The following PAK4 variants were observed in gnomAD, a reference collection of about 807,000 sequenced individuals.
PAK4 encodes p21 (RAC1) activated kinase 4.
Under a neutral mutation model 53.5 loss-of-function variants are expected in PAK4, and 49 were observed. The observed-to-expected ratio is 0.92, with a 90% CI of 0.73 to 1.16. The LOEUF is 1.16. Ranked by LOEUF, PAK4 falls within the 50% of genes most tolerant of loss-of-function variation. PAK4 has a pLI of 0.00. For missense variants in PAK4, 824 were observed against 850.7 expected, an observed-to-expected ratio of 0.97 and a Z score of 0.39; for synonymous variants, 376 against 375.6, an observed-to-expected ratio of 1.00 and a Z score of -0.01.
chr19:39,152,475 A>G (rs2074108573), intron 1 of PAK4: 1 of 152,226 alleles, frequency 6.6e-6, no homozygotes. Flanking sequence ...GAGAAGCTGT[A>G]AAGTGCTTCC....
intron 1 of PAK4, chr19:39,136,424 C>T (rs1012972393): frequency 9.9e-5 from 15 of 152,250 alleles, no homozygotes; most frequent in Non-Finnish European, 2.1e-4. Context: ...GGTCCTACCC[C>T]GGGGCCTTTG....
chr19:39,174,823 C>T, intron 4 of PAK4, 108 bp from the exon 6 acceptor site: 1 of 1,346,632 alleles, frequency 7.4e-7, no homozygotes, highest in South Asian at 1.3e-5. Context: ...CCCCAGTGAG[C>T]ACAAGCTTAA....
At chr19:39,177,698 A>G in exon 8 of PAK4, 1 of 1,613,502 alleles carries the variant, frequency 6.2e-7, no homozygotes, top group Non-Finnish European at 8.5e-7. Context: ...CGCTGGGGAT[A>G]ATGGTGATTG....
intron 1 of PAK4, among the ~76,000 whole-genome samples, chr19:39,130,356 A>G (rs1462709387): frequency 7.1e-6 from 1 of 140,636 alleles, no homozygotes; most frequent in African/African-American, 2.7e-5. Context: ...ACAGAGAGGG[A>G]TTGGGACTGG....
At chr19:39,174,843 G>T in intron 4 of PAK4, 88 bp from the exon 6 acceptor site, 1 of 1,504,650 alleles carries the variant, frequency 6.6e-7, no homozygotes, top group South Asian at 1.2e-5. Context: ...ATGTGGAACT[G>T]CAGGGGGAGC....
intron 1 of PAK4, among the ~76,000 whole-genome samples, chr19:39,128,615 A>G (rs2073636511): frequency 6.6e-6 from 1 of 152,218 alleles, no homozygotes; most frequent in Admixed American, 6.5e-5. Context: ...GCTAGGGGAA[A>G]AAGGGCTTTC....
At chr19:39,177,959 G>T in intron 8 of PAK4, 150 bp downstream of exon 9, 1 of 879,706 alleles carries the variant, frequency 1.1e-6, no homozygotes, top group Non-Finnish European at 1.7e-6. Context: ...GGCCTCATGT[G>T]TCTGTGCAGA....
Position 39,173,717 on chromosome 19 carries a change from C to A in PAK4, c.805C>A (p.Pro269Thr). Reference sequence around the variant, plus strand: ...AGTGCTGGGACCCCACGCCTCAGAGCCCCAGCTGGCCCCTCCAGCCTGCAC... The same window carrying A: ...AGTGCTGGGACCCCACGCCTCAGAGACCCAGCTGGCCCCTCCAGCCTGCAC... The change falls in exon 4 of 9, where the codon CCC becomes ACC. Residue 269 changes from proline to threonine, a missense_variant. Coordinates refer to ENST00000358301, the Ensembl canonical transcript of PAK4. This position sits in a 1 kb window ranked among gnomAD's most constrained non-coding sequence, Gnocchi z 6.9. 1 of 1,576,548 alleles carries A rather than the reference C, an allele frequency of 6.3e-7. No individual in the cohort carries two copies. The highest frequency in any genetic ancestry group is 8.6e-7 in the Non-Finnish European group (1 of 1,163,898).
intron 1 of PAK4, among the ~76,000 whole-genome samples, chr19:39,142,361 G>T (rs2073924558): frequency 6.6e-6 from 1 of 152,194 alleles, no homozygotes; most frequent in Admixed American, 6.5e-5. Context: ...TTCTTAGGTG[G>T]TTGCTTGGAT....
At chr19:39,174,041 GGT>G (rs758354054) in intron 4 of PAK4, 31 bp downstream of exon 5, 1 of 1,441,706 alleles carries the variant, frequency 6.9e-7, no homozygotes, top group South Asian at 1.3e-5. Flanking sequence ...CCGCCCTGCT[GGT>G]CCTCCCACCC....
chr19:39,157,104 G>C (rs2074197626), intron 1 of PAK4, among the ~76,000 whole-genome samples: 1 of 152,098 alleles, frequency 6.6e-6, no homozygotes, highest in African/African-American at 2.4e-5. Flanking sequence ...CTTGCACGAG[G>C]GCAGAAGTTT....
intron 1 of PAK4, among the ~76,000 whole-genome samples, chr19:39,158,076 AT>A (rs566243192): frequency 4.7e-4 from 71 of 151,528 alleles, no homozygotes; most frequent in African/African-American, 1.7e-3. Context: ...GTGAGCATGC[AT>A]GTGTGTGTGT....
chr19:39,126,509 A>G (rs1391780877), intron 1 of PAK4, among the ~76,000 whole-genome samples: 2 of 150,394 alleles, frequency 1.3e-5, no homozygotes, highest in African/African-American at 2.5e-5. Flanking sequence ...GAACCCTCCC[A>G]CAAATAATAA....
chr19:39,174,772 G>A (rs1317815873), intron 4 of PAK4, among the ~76,000 whole-genome samples, 159 bp from the exon 6 acceptor site: 1 of 152,128 alleles, frequency 6.6e-6, no homozygotes, highest in African/African-American at 2.4e-5. Context: ...TGGCTCTGAG[G>A]CCCACGTGGC....
At chr19:39,128,667 G>A (rs868304456) in intron 1 of PAK4, among the ~76,000 whole-genome samples, 1 of 152,202 alleles carries the variant, frequency 6.6e-6, no homozygotes, top group Non-Finnish European at 1.5e-5. Flanking sequence ...CGTCTGGCCT[G>A]GGACAGAACA....
chr19:39,178,280 A>C lies in PAK4; in HGVS notation c.1621-144A>C. On this transcript the variant is annotated intron_variant, in intron 8 of 8. Transcript: ENST00000358301. The surrounding 1 kb of genome is among the most constrained non-coding windows in gnomAD (Gnocchi z 4.4). ...CTGTCCCTGTCCCGTCTACACCCCAAGATCTAGACACCCATGACCTCCGCC... is the reference window on the plus strand; with the variant it reads ...CTGTCCCTGTCCCGTCTACACCCCACGATCTAGACACCCATGACCTCCGCC... The C allele has an allele frequency of 6.5e-6, 5 of 765,394 alleles. No individual in the cohort carries two copies. Among genetic ancestry groups the C allele is most frequent in the East Asian group, 2.9e-5 (1 of 34,868 alleles). The allele number at this position is 765,394 out of a possible 1,614,324, so 47.4% of individuals were successfully genotyped here. A position where few individuals can be genotyped will look rare whatever the true frequency, so the allele number is the denominator to read the frequency against.
At position 39,175,204 on chromosome 19, in the gene PAK4, T is replaced by G; in HGVS notation, c.1233-108T>G. On this transcript the variant is annotated intron_variant, in intron 5 of 8. Coordinates refer to ENST00000358301, the Ensembl canonical transcript of PAK4. This position sits in a 1 kb window ranked among gnomAD's most constrained non-coding sequence, Gnocchi z 4.7. ...GTCTTCCATTCCTCCCACTCCAGAG[T>G]GGGGTCGAGTGGTCTCAGATTCCTC... The G allele has an allele frequency of 1.4e-6, 2 of 1,465,394 alleles. No homozygotes were observed. The highest frequency in any genetic ancestry group is 1.9e-6 in the Non-Finnish European group (2 of 1,079,544). The allele number at this position is 1,465,394 out of a possible 1,614,324, so 90.8% of individuals were successfully genotyped here. A position where few individuals can be genotyped will look rare whatever the true frequency, so the allele number is the denominator to read the frequency against.
chr19:39,169,206 C>T (rs1248387385), intron 1 of PAK4, among the ~76,000 whole-genome samples: 2 of 151,650 alleles, frequency 1.3e-5, no homozygotes, highest in East Asian at 3.9e-4. Context: ...GAAGTGAGCT[C>T]CTGGCAGAGG....
chr19:39,163,742 G>A (rs1421809582), intron 1 of PAK4, among the ~76,000 whole-genome samples: 3 of 152,222 alleles, frequency 2.0e-5, no homozygotes, highest in Admixed American at 1.3e-4. Context: ...GGGGCAGAAG[G>A]CTGCACCTTC....
Sources: allele counts gnomAD v4.1 joint callset (sites outside exome capture counted in the v4.1 genomes callset), GRCh38; gene constraint gnomAD v4.1.1; non-coding constraint Gnocchi (gnomAD v3.1); transcripts MANE v1.5; gene names NCBI Gene and HGNC (gene_info 2026-07-23, HGNC 2026-07-21).